NMBR: variants seen among roughly 807,000 people sequenced by gnomAD.
The protein encoded by NMBR is neuromedin-B receptor.
NMBR carries 16 observed loss-of-function variants against 20.5 expected under a neutral mutation model. That is an observed-to-expected ratio of 0.78 (90% CI 0.53 to 1.19). NMBR has a LOEUF of 1.19. Among genes scored for constraint, NMBR ranks in the 50% most tolerant of loss-of-function variants. The pLI, the probability that NMBR is intolerant of heterozygous loss-of-function variation, is 0.00. For synonymous variants in NMBR, 212 were observed against 196.6 expected (o/e 1.08, Z -0.65); for missense variants, 582 against 499.1 (o/e 1.17, Z -1.58).
intron 1 of NMBR, among the ~76,000 whole-genome samples, chr6:142,101,463 A>C (rs1463126642): frequency 6.6e-6 from 1 of 152,166 alleles, no homozygotes; most frequent in African/African-American, 2.4e-5. Context: ...GGGAAATAGC[A>C]GAACAGTGGG....
intron 1 of NMBR, among the ~76,000 whole-genome samples, chr6:142,091,391 C>A (rs1340391364): frequency 6.6e-6 from 1 of 151,988 alleles, no homozygotes; most frequent in African/African-American, 2.4e-5. Context: ...GCCTGGCTAA[C>A]TTTTTTAATT....
intron 1 of NMBR, among the ~76,000 whole-genome samples, chr6:142,108,569 G>A (rs1232636623): frequency 6.6e-6 from 1 of 152,094 alleles, no homozygotes; most frequent in Non-Finnish European, 1.5e-5. Flanking sequence ...AGGAGGAAAA[G>A]CCCCTTATAA....
intron 2 of NMBR, among the ~76,000 whole-genome samples, chr6:142,083,527 C>G (rs561694935): frequency 6.6e-6 from 1 of 152,154 alleles, no homozygotes; most frequent in Non-Finnish European, 1.5e-5. Context: ...GCATCCCCAA[C>G]AAAATCTCAT....
chr6:142,118,381 TC>T (rs1042815364), intron 1 of NMBR, among the ~76,000 whole-genome samples: 1 of 151,840 alleles, frequency 6.6e-6, no homozygotes, highest in Non-Finnish European at 1.5e-5. Flanking sequence ...AGAAGAGAGG[TC>T]CCCAAGTTAG....
intron 1 of NMBR, among the ~76,000 whole-genome samples, chr6:142,115,863 C>A (rs368135689): frequency 6.6e-6 from 1 of 151,946 alleles, no homozygotes; most frequent in African/African-American, 2.4e-5. Flanking sequence ...AACTTTAATA[C>A]CTGATATGCT....
chr6:142,142,733 A>C lies in NMBR; in HGVS notation c.-664+4311T>G, dbSNP rs149629954. ...ACAATATATGAATTGCAAAATAATA[A>C]ATCTTTATTCACAGACATGGTCATG... On this transcript the variant is annotated intron_variant, in intron 1 of 3. Transcript: ENST00000258042. Among the ~76,000 whole-genome samples the C allele has an allele frequency of 1.4e-3, 218 of 152,216 alleles. 1 individual carries two copies. The highest frequency in any genetic ancestry group is 4.1e-3 in the African/African-American group (169 of 41,566).
intron 2 of NMBR, among the ~76,000 whole-genome samples, chr6:142,084,500 T>C (rs1435601623): frequency 1.3e-5 from 2 of 152,192 alleles, no homozygotes; most frequent in Admixed American, 1.3e-4. Flanking sequence ...TTATGGTTTT[T>C]ATAGTTTTAT....
chr6:142,078,573 A>G lies in NMBR; in HGVS notation c.753T>C (p.Asn251=), dbSNP rs751755884. Reference sequence around the variant, plus strand: ...AGCTTACCTGTTTTTTGGTATGTTCATTGTATTCTCCAGGAAGATTGTGTG... The same window carrying G: ...AGCTTACCTGTTTTTTGGTATGTTCGTTGTATTCTCCAGGAAGATTGTGTG... ...KSAHNLPGEY[N]EHTKKQMETR... The change falls in exon 3 of 4, where the codon AAT becomes AAC. Residue 251 remains asparagine (N), a synonymous_variant. Coordinates refer to ENST00000258042, the MANE Select transcript of NMBR (RefSeq NM_002511.4). The G allele has an allele frequency of 1.3e-6, 2 of 1,597,218 alleles. No individual in the cohort carries two copies. Among genetic ancestry groups the G allele is most frequent in the Non-Finnish European group, 1.7e-6 (2 of 1,171,424 alleles).
At chr6:142,101,141 T>C (rs1181494842) in intron 1 of NMBR, among the ~76,000 whole-genome samples, 1 of 152,182 alleles carries the variant, frequency 6.6e-6, no homozygotes, top group South Asian at 2.1e-4. Context: ...AACAACCAGA[T>C]TGGTTATAGA....
intron 1 of NMBR, among the ~76,000 whole-genome samples, chr6:142,110,646 C>T (rs1428506045): frequency 6.6e-6 from 1 of 151,934 alleles, no homozygotes; most frequent in African/African-American, 2.4e-5. Flanking sequence ...TTAAACTTAC[C>T]GTGGTGACAG....
chr6:142,088,324 C>G lies in NMBR; in HGVS notation c.335G>C (p.Gly112Ala), dbSNP rs756188787. 33 of 1,614,044 alleles carry G rather than the reference C, an allele frequency of 2.0e-5. No individual in the cohort carries two copies. Among genetic ancestry groups the G allele is most frequent in the Non-Finnish European group, 2.8e-5 (33 of 1,180,046 alleles). ...SRYFFDEWMF[G>A]KVGCKLIPVI... is the part of the protein sequence containing the mutation. Reference sequence around the variant, plus strand: ...AGGGATCAGTTTGCAGCCCACCTTGCCAAACATCCACTCGTCGAAGAAGTA... The same window carrying G: ...AGGGATCAGTTTGCAGCCCACCTTGGCAAACATCCACTCGTCGAAGAAGTA... The change falls in exon 2 of 4, where the codon GGC (glycine) becomes GCC (alanine). Residue 112 changes from glycine to alanine, a missense_variant. Coordinates refer to ENST00000258042, the MANE Select transcript of NMBR (RefSeq NM_002511.4).
chr6:142,112,461 C>A (rs540848233), intron 1 of NMBR, among the ~76,000 whole-genome samples: 3,069 of 151,902 alleles, frequency 0.02, 45 homozygotes, highest in Non-Finnish European at 0.028. Context: ...ACATTATGCT[C>A]AAATTAATAT....
Position 142,075,338 on chromosome 6 carries a change from C to T in NMBR, c.*310G>A, listed in dbSNP as rs1473619247. Among the ~76,000 whole-genome samples, 2 of 151,928 alleles carry T rather than the reference C, an allele frequency of 1.3e-5. No individual in the cohort carries two copies. The highest frequency in any genetic ancestry group is 3.9e-4 in the East Asian group (2 of 5,188). ...AAGCAATGTTAAATTATACATATTGCATTGGTTTGGGGATCATCTTAAATG... is the reference window on the plus strand; with the variant it reads ...AAGCAATGTTAAATTATACATATTGTATTGGTTTGGGGATCATCTTAAATG... On this transcript the variant is annotated 3_prime_UTR_variant, in exon 4 of 4. Transcript: ENST00000258042.
At chr6:142,108,268 AC>A (rs1777695202) in intron 1 of NMBR, among the ~76,000 whole-genome samples, 1 of 152,212 alleles carries the variant, frequency 6.6e-6, no homozygotes, top group South Asian at 2.1e-4. Context: ...AAAGAAACCT[AC>A]ACTTAGACAT....
rs980895383 is a variant in NMBR, at chr6:142,088,821, C to T, written c.-163G>A. The T allele has an allele frequency of 6.3e-6, 4 of 637,068 alleles. No individual in the cohort carries two copies. Among genetic ancestry groups the T allele is most frequent in the East Asian group, 2.8e-5 (1 of 36,280 alleles). The allele number at this position is 637,068 out of a possible 1,614,324, so 39.5% of individuals were successfully genotyped here. A position where few individuals can be genotyped will look rare whatever the true frequency, so the allele number is the denominator to read the frequency against. On this transcript the variant is annotated 5_prime_UTR_variant, in exon 2 of 4. Coordinates refer to ENST00000258042, the MANE Select transcript of NMBR (RefSeq NM_002511.4). ...GCACCACGTCCCTAAGAGTTCAGGACCTGGGGAGGGGTCTGTCCACACACT... is the reference window on the plus strand; with the variant it reads ...GCACCACGTCCCTAAGAGTTCAGGATCTGGGGAGGGGTCTGTCCACACACT...
intron 1 of NMBR, among the ~76,000 whole-genome samples, chr6:142,126,726 C>A (rs977098892): frequency 9.2e-6 from 1 of 108,422 alleles, no homozygotes; most frequent in Non-Finnish European, 2.0e-5. Flanking sequence ...ATTTATTTTT[C>A]TGCCCATTTT....
chr6:142,126,530 A>G (rs1778040918), intron 1 of NMBR, among the ~76,000 whole-genome samples: 1 of 151,932 alleles, frequency 6.6e-6, no homozygotes, highest in Non-Finnish European at 1.5e-5. Flanking sequence ...TCCCACCAAC[A>G]GTGTGTACAA....
chr6:142,145,517 G>T lies in NMBR; in HGVS notation c.-664+1527C>A, dbSNP rs73581604. 2.1e-3 allele frequency among the ~76,000 whole-genome samples: 321 copies of T among 152,240 alleles called. 1 individual carries two copies. Among genetic ancestry groups the T allele is most frequent in the African/African-American group, 7.1e-3 (294 of 41,540 alleles). On this transcript the variant is annotated intron_variant, in intron 1 of 3. Coordinates refer to ENST00000258042, the MANE Select transcript of NMBR (RefSeq NM_002511.4). Reference sequence around the variant, plus strand: ...ATAATAATGATATGTTCCTCATAGGGTTGTGGTGCAAATTAAATAAATTAA... The same window carrying T: ...ATAATAATGATATGTTCCTCATAGGTTTGTGGTGCAAATTAAATAAATTAA...
chr6:142,087,145 C>CTGTGGG (rs1206844726), intron 2 of NMBR, among the ~76,000 whole-genome samples: 1 of 152,162 alleles, frequency 6.6e-6, no homozygotes, highest in East Asian at 1.9e-4. Flanking sequence ...CTGTTGAATG[C>CTGTGGG]TGTGTTTCCC....
Sources: allele counts gnomAD v4.1 joint callset (sites outside exome capture counted in the v4.1 genomes callset), GRCh38; gene constraint gnomAD v4.1.1; transcripts MANE v1.5; gene names NCBI Gene and HGNC (gene_info 2026-07-23, HGNC 2026-07-21).